Variants in SLC6A11 observed in about 807,000 individuals in gnomAD.
SLC6A11 encodes solute carrier family 6 member 11.
A neutral mutation model predicts 74.8 loss-of-function variants in SLC6A11; 25 were observed. The ratio of observed to expected loss-of-function variants is 0.33; its 90% CI spans 0.24 to 0.47. The LOEUF is 0.47. Among genes scored for constraint, SLC6A11 ranks in the 20% least tolerant of loss-of-function variants. The pLI is 1.00. For synonymous variants in SLC6A11, 330 were observed against 330.2 expected (o/e 1.00, Z 0.01); for missense variants, 574 against 837.0 (o/e 0.69, Z 3.88).
chr3:10,831,164 A>C (rs1454503537), intron 4 of SLC6A11, among the ~76,000 whole-genome samples: 1 of 152,162 alleles, frequency 6.6e-6, no homozygotes. Flanking sequence ...GCAGCTCTTA[A>C]TCTGCCTGAA....
intron 4 of SLC6A11, among the ~76,000 whole-genome samples, chr3:10,843,909 T>C (rs1412951907): frequency 4.6e-5 from 7 of 152,168 alleles, no homozygotes; most frequent in African/African-American, 1.2e-4. Flanking sequence ...ACTGGTAATA[T>C]GATCTCCTGG....
At chr3:10,838,547 A>C (rs934047183) in intron 4 of SLC6A11, among the ~76,000 whole-genome samples, 1 of 152,178 alleles carries the variant, frequency 6.6e-6, no homozygotes, top group Non-Finnish European at 1.5e-5. Flanking sequence ...TCAGGAGTTC[A>C]AGACCAGCCT....
At chr3:10,938,150 C>T in intron 13 of SLC6A11, 100 bp from the exon 14 acceptor site, 2 of 1,185,248 alleles carry the variant, frequency 1.7e-6, no homozygotes, top group Non-Finnish European at 2.3e-6. Context: ...GAGAATTCTC[C>T]AGCACCCAGA....
intron 6 of SLC6A11, among the ~76,000 whole-genome samples, chr3:10,895,678 G>A (rs1695162381): frequency 6.6e-6 from 1 of 152,172 alleles, no homozygotes; most frequent in Non-Finnish European, 1.5e-5. Context: ...GTTGGTAGGT[G>A]CAGCAAACTG....
chr3:10,825,840 A>G (rs1240945879), intron 4 of SLC6A11, among the ~76,000 whole-genome samples: 1 of 152,174 alleles, frequency 6.6e-6, no homozygotes, highest in African/African-American at 2.4e-5. Flanking sequence ...ATTTCCTTTA[A>G]GCACAAGTCT....
chr3:10,918,198 A>T lies in SLC6A11; in HGVS notation c.996-131A>T. The stretch of plus-strand genomic sequence containing the variant: ...TGAACCATGAGTGCTCCATCAGAAA[A>T]ACAGAGCTCCCTGTGCCTGCACTTC... On this transcript the variant is annotated intron_variant, in intron 7 of 13. Transcript: ENST00000254488. The surrounding 1 kb of genome is among the most constrained non-coding windows in gnomAD (Gnocchi z 4.5). 9.7e-7 allele frequency: 1 copy of T among 1,030,174 alleles called. No individual in the cohort carries two copies. Among genetic ancestry groups the T allele is most frequent in the Admixed American group, 3.3e-5 (1 of 30,324 alleles). The allele number at this position is 1,030,174 out of a possible 1,614,324, so 63.8% of individuals were successfully genotyped here.
chr3:10,816,812 G>C lies in SLC6A11; in HGVS notation c.256+291G>C, dbSNP rs1694068544. ...ACCGAGGCCAGGGAGCCCTTGCTTT[G>C]GGTAGGCGCCCTGGTGTTTCGGGCA... On this transcript the variant is annotated intron_variant, in intron 1 of 13. Coordinates refer to ENST00000254488, the MANE Select transcript of SLC6A11 (RefSeq NM_014229.3). The surrounding 1 kb of genome is among the most constrained non-coding windows in gnomAD (Gnocchi z 4.2). Among the ~76,000 whole-genome samples, 1 of 152,248 alleles carries C rather than the reference G, an allele frequency of 6.6e-6. No individual in the cohort carries two copies. Among genetic ancestry groups the C allele is most frequent in the African/African-American group, 2.4e-5 (1 of 41,478 alleles).
At chr3:10,906,293 C>G (rs1695301679) in intron 6 of SLC6A11, among the ~76,000 whole-genome samples, 1 of 152,138 alleles carries the variant, frequency 6.6e-6, no homozygotes, top group Admixed American at 6.5e-5. Flanking sequence ...TCTTCTCACC[C>G]AAACGAGAAA....
At position 10,935,149 on chromosome 3, in the gene SLC6A11, C is replaced by A. The variant is rs779288335; in HGVS notation, c.1696C>A (p.Pro566Thr). Reference protein sequence around the residue: ...LMALSSMLCIPLWICITVWKT... With the variant: ...LMALSSMLCITLWICITVWKT... ...GGCCCTGTCCTCCATGCTCTGCATC[C>A]CGCTCTGGATCTGCATCACAGTGTG... The change falls in exon 13 of 14, where the codon CCG (proline) becomes ACG (threonine). Residue 566 changes from proline (P) to threonine (T), a missense_variant. Physicochemically the swap from Pro to Thr is conservative, Grantham distance 38. Transcript: ENST00000254488. The A allele has an allele frequency of 6.2e-7, 1 of 1,614,242 alleles. No individual in the cohort carries two copies. Among genetic ancestry groups the A allele is most frequent in the Non-Finnish European group, 8.5e-7 (1 of 1,180,042 alleles).
intron 5 of SLC6A11, among the ~76,000 whole-genome samples, chr3:10,860,618 G>T (rs952961025): frequency 7.9e-5 from 12 of 152,228 alleles, no homozygotes; most frequent in Non-Finnish European, 2.9e-5. Flanking sequence ...GTGCTGGGCT[G>T]GGCATGCCCA....
intron 5 of SLC6A11, among the ~76,000 whole-genome samples, chr3:10,858,102 G>T (rs915724351): frequency 2.0e-5 from 3 of 152,108 alleles, no homozygotes; most frequent in African/African-American, 7.2e-5. Context: ...TGCAATAGCT[G>T]GAATAGTGAC....
intron 5 of SLC6A11, among the ~76,000 whole-genome samples, chr3:10,864,244 G>T (rs1694737078): frequency 6.6e-6 from 1 of 151,804 alleles, no homozygotes; most frequent in Non-Finnish European, 1.5e-5. Flanking sequence ...TGAGAAGAAA[G>T]AGTGACACTA....
At chr3:10,914,371 T>C (rs1025816349) in intron 7 of SLC6A11, among the ~76,000 whole-genome samples, 2 of 152,258 alleles carry the variant, frequency 1.3e-5, no homozygotes, top group South Asian at 4.1e-4. Flanking sequence ...GTGTTTACTG[T>C]GTGTCTACTA....
chr3:10,830,949 C>T (rs780184526), intron 4 of SLC6A11, among the ~76,000 whole-genome samples: 3 of 152,130 alleles, frequency 2.0e-5, no homozygotes, highest in Non-Finnish European at 2.9e-5. Context: ...CTCCTTCCTC[C>T]GGAGGTGGAA....
chr3:10,899,314 C>T (rs934312523), intron 6 of SLC6A11, among the ~76,000 whole-genome samples: 2 of 152,182 alleles, frequency 1.3e-5, no homozygotes, highest in African/African-American at 2.4e-5. Flanking sequence ...TGCCTGTTCC[C>T]ACTCCCCAGC....
At chr3:10,847,739 TTTTCAGGG>T (rs1694522140) in intron 5 of SLC6A11, among the ~76,000 whole-genome samples, 1 of 152,160 alleles carries the variant, frequency 6.6e-6, no homozygotes, top group African/African-American at 2.4e-5. Context: ...ATAGGTAAGC[TTTTCAGGG>T]GAGGATCTGG....
rs771300730 is a variant in SLC6A11 at position 10,816,407 on chromosome 3, C to T, written c.142C>T (p.His48Tyr). ...HPRVKRDKAV[H>Y]ERGHWNNKVE... ...GCGCGTCAAGCGCGACAAGGCGGTC[C>T]ACGAGCGCGGCCACTGGAACAACAA... The change falls in exon 1 of 14, where the codon CAC (histidine) becomes TAC (tyrosine). Residue 48 changes from histidine to tyrosine, a missense_variant. By Grantham distance (83) the His-to-Tyr change is moderately conservative. Around this residue, in one of 4 missense-constraint regions of SLC6A11, gnomAD observed 86 missense variants for 87.4 expected, o/e 0.98. Coordinates refer to ENST00000254488, the MANE Select transcript of SLC6A11 (RefSeq NM_014229.3). The surrounding 1 kb of genome is among the most constrained non-coding windows in gnomAD (Gnocchi z 4.2). 27 of 1,590,836 alleles carry T rather than the reference C, an allele frequency of 1.7e-5. No homozygotes were observed. Among genetic ancestry groups the T allele is most frequent in the Non-Finnish European group, 2.2e-5 (26 of 1,169,544 alleles).
At chr3:10,916,804 C>T (rs916523247) in intron 7 of SLC6A11, among the ~76,000 whole-genome samples, 1 of 152,174 alleles carries the variant, frequency 6.6e-6, no homozygotes, top group Non-Finnish European at 1.5e-5. Context: ...TATCCAAGCA[C>T]CTTGTATAGC....
intron 3 of SLC6A11, 137 bp downstream of exon 3, chr3:10,819,989 G>T: frequency 1.1e-6 from 1 of 886,430 alleles, no homozygotes; most frequent in Non-Finnish European, 1.8e-6. Context: ...TGCTGAAACT[G>T]GGGTCAGCTC....
Sources: gnomAD v4.1 joint callset for allele counts (sites outside exome capture counted in the v4.1 genomes callset) on GRCh38, gnomAD v4.1.1 for gene constraint, gnomAD v4.1.1 regional missense constraint, Gnocchi (gnomAD v3.1) non-coding constraint, MANE v1.5 for transcripts, NCBI Gene and HGNC (gene_info 2026-07-23, HGNC 2026-07-21) for gene names.